TMEM232: variants seen among roughly 807,000 people sequenced by gnomAD.
TMEM232 encodes the protein transmembrane protein 232.
In TMEM232, 80 loss-of-function variants were observed where a neutral mutation model predicts 78.8. That is an observed-to-expected ratio of 1.01 (90% confidence interval 0.85 to 1.22). TMEM232 has a LOEUF of 1.22. TMEM232 is among the 50% of genes most tolerant of loss of function. The probability of loss-of-function intolerance (pLI) is 0.00; values close to 1 mark genes in which losing one functional copy is unlikely to be tolerated. For synonymous variants in TMEM232, 297 were observed against 254.3 expected (o/e 1.17, Z -1.60); for missense variants, 881 against 742.2 (o/e 1.19, Z -2.17).
At chr5:110,592,095 C>T (rs1163467573) in intron 10 of TMEM232, among the ~76,000 whole-genome samples, 1 of 152,186 alleles carries the variant, frequency 6.6e-6, no homozygotes, top group East Asian at 1.9e-4. Flanking sequence ...CACATCAGTA[C>T]AGTTTTCAAT....
intron 6 of TMEM232, among the ~76,000 whole-genome samples, chr5:110,626,427 A>T (rs1784434125): frequency 6.6e-6 from 1 of 152,072 alleles, no homozygotes; most frequent in South Asian, 2.1e-4. Flanking sequence ...ATTAGGACTT[A>T]TGCTAATGGT....
intron 12 of TMEM232, among the ~76,000 whole-genome samples, chr5:110,491,230 T>C (rs1765057645): frequency 6.6e-6 from 1 of 152,016 alleles, no homozygotes; most frequent in Non-Finnish European, 1.5e-5. Flanking sequence ...ACATTCAACA[T>C]CATTCATCAT....
chr5:110,693,865 G>A (rs1484805240), intron 1 of TMEM232, among the ~76,000 whole-genome samples: 1 of 152,152 alleles, frequency 6.6e-6, no homozygotes, highest in Non-Finnish European at 1.5e-5. Context: ...ATGGAACCAA[G>A]TTGGAAAACA....
At chr5:110,607,271 G>A (rs1167034481) in intron 8 of TMEM232, among the ~76,000 whole-genome samples, 1 of 151,758 alleles carries the variant, frequency 6.6e-6, no homozygotes, top group African/African-American at 2.4e-5. Flanking sequence ...ACATAAATAG[G>A]TCAGAGGGAC....
intron 12 of TMEM232, among the ~76,000 whole-genome samples, chr5:110,454,966 C>G (rs311731): frequency 0.28 from 41,454 of 149,724 alleles, 10,267 homozygotes; most frequent in African/African-American, 0.65. Context: ...AACAGGGAGA[C>G]AATACAAATT....
intron 1 of TMEM232, among the ~76,000 whole-genome samples, chr5:110,668,269 G>C (rs1189332962): frequency 6.6e-6 from 1 of 152,112 alleles, no homozygotes; most frequent in East Asian, 1.9e-4. Context: ...TAAAGAGGAA[G>C]ATAGACCAAG....
intron 1 of TMEM232, among the ~76,000 whole-genome samples, chr5:110,695,162 T>A (rs563506391): frequency 3.7e-4 from 57 of 152,138 alleles, no homozygotes; most frequent in South Asian, 2.1e-4. Flanking sequence ...TCAAAACCAC[T>A]CAACTACATG....
chr5:110,674,562 T>A (rs1299149219), intron 1 of TMEM232, among the ~76,000 whole-genome samples: 1 of 152,140 alleles, frequency 6.6e-6, no homozygotes, highest in East Asian at 1.9e-4. Flanking sequence ...ATGTAAACCA[T>A]AAAGAAGTTC....
intron 2 of TMEM232, among the ~76,000 whole-genome samples, chr5:110,734,332 G>A (rs150985666): frequency 2.6e-5 from 4 of 152,260 alleles, no homozygotes; most frequent in East Asian, 3.9e-4. Context: ...TGCTTCTCAT[G>A]GTTATGGCAG....
intron 8 of TMEM232, among the ~76,000 whole-genome samples, chr5:110,609,835 A>G (rs1388868008): frequency 6.6e-6 from 1 of 152,132 alleles, no homozygotes; most frequent in Non-Finnish European, 1.5e-5. Flanking sequence ...AATGAAGAAG[A>G]GGGAACTATA....
At chr5:110,663,195 T>C (rs1424268397) in intron 2 of TMEM232, among the ~76,000 whole-genome samples, 1 of 151,908 alleles carries the variant, frequency 6.6e-6, no homozygotes, top group East Asian at 1.9e-4. Flanking sequence ...AACAGTGAAA[T>C]GAAAAACAAG....
intron 12 of TMEM232, among the ~76,000 whole-genome samples, chr5:110,516,693 G>T (rs1004093912): frequency 3.2e-4 from 48 of 150,858 alleles, no homozygotes; most frequent in Non-Finnish European, 6.0e-4. Context: ...ACATACAAAA[G>T]CAAAATGATC....
chr5:110,695,326 A>G (rs1283310737), intron 1 of TMEM232, among the ~76,000 whole-genome samples: 1 of 152,218 alleles, frequency 6.6e-6, no homozygotes, highest in Non-Finnish European at 1.5e-5. Context: ...AATTTATAGC[A>G]CTAAATGCCC....
chr5:110,429,908 A>G (rs945245476), intron 12 of TMEM232: 1 of 151,770 alleles, frequency 6.6e-6, no homozygotes, highest in Non-Finnish European at 1.5e-5. Flanking sequence ...TTTGGCTACC[A>G]TAACCTTTTC....
chr5:110,469,853 C>A (rs1762480173), intron 12 of TMEM232, among the ~76,000 whole-genome samples: 1 of 152,122 alleles, frequency 6.6e-6, no homozygotes, highest in Admixed American at 6.5e-5. Context: ...GCTGAGACAC[C>A]CTGCCTTACA....
chr5:110,707,257 G>C (rs545562057), intron 1 of TMEM232, among the ~76,000 whole-genome samples: 1 of 152,286 alleles, frequency 6.6e-6, no homozygotes, highest in East Asian at 1.9e-4. Flanking sequence ...AAGAGGGTCA[G>C]AGAGACAGTC....
chr5:110,389,754 T>G (rs755671859), intron 4 of TMEM232, among the ~76,000 whole-genome samples: 6 of 152,208 alleles, frequency 3.9e-5, no homozygotes, highest in Non-Finnish European at 8.8e-5. Context: ...AAGATTACCA[T>G]GTTTCCACTG....
At chr5:110,560,274 T>C (rs1775589784) in intron 11 of TMEM232, among the ~76,000 whole-genome samples, 1 of 152,160 alleles carries the variant, frequency 6.6e-6, no homozygotes, top group South Asian at 2.1e-4. Context: ...TTGGACCATA[T>C]AAATTACAGT....
chr5:110,663,542 C>T (rs1435156976), intron 2 of TMEM232, among the ~76,000 whole-genome samples: 1 of 151,450 alleles, frequency 6.6e-6, no homozygotes, highest in South Asian at 2.1e-4. Flanking sequence ...TGAAAAAAAA[C>T]ACTAAAACTG....
Sources: gnomAD v4.1 joint callset for allele counts (sites outside exome capture counted in the v4.1 genomes callset) on GRCh38, gnomAD v4.1.1 for gene constraint, MANE v1.5 for transcripts, NCBI Gene and HGNC (gene_info 2026-07-23, HGNC 2026-07-21) for gene names.